PTPN4: variants seen among roughly 807,000 people sequenced by gnomAD.
The protein encoded by PTPN4 is tyrosine-protein phosphatase non-receptor type 4.
Under a neutral mutation model 135.5 loss-of-function variants are expected in PTPN4, and 49 were observed. That is an observed-to-expected ratio of 0.36 (90% CI 0.29 to 0.46). The LOEUF (loss-of-function observed/expected upper bound fraction) is 0.46, where lower values mean the gene tolerates loss of function less well. PTPN4 is among the 20% of genes least tolerant of loss of function. The pLI is 1.00. For synonymous variants in PTPN4, 333 were observed against 369.9 expected (o/e 0.90, Z 1.14); for missense variants, 860 against 1,101.0 (o/e 0.78, Z 3.10).
chr2:119,855,692 C>T (rs947182650), intron 2 of PTPN4, among the ~76,000 whole-genome samples: 6 of 152,124 alleles, frequency 3.9e-5, no homozygotes, highest in African/African-American at 1.4e-4. Flanking sequence ...GCTGTCAGTC[C>T]AGATGTCTCC....
At chr2:119,885,752 T>C (rs899783430) in intron 8 of PTPN4, 43 bp from the exon 9 acceptor site, 1 of 1,330,998 alleles carries the variant, frequency 7.5e-7, no homozygotes, top group Non-Finnish European at 1.0e-6. Flanking sequence ...ATTTATTTGA[T>C]TGATTGATTG....
chr2:119,855,259 C>T (rs1344677988), intron 2 of PTPN4, among the ~76,000 whole-genome samples: 1 of 152,126 alleles, frequency 6.6e-6, no homozygotes, highest in African/African-American at 2.4e-5. Context: ...CAAGATAATG[C>T]AGTTTCCAGA....
intron 2 of PTPN4, among the ~76,000 whole-genome samples, chr2:119,851,635 A>G (rs1472761365): frequency 1.3e-5 from 2 of 152,180 alleles, no homozygotes; most frequent in Non-Finnish European, 2.9e-5. Flanking sequence ...GTGCCCTCGG[A>G]AAGCCAGGCT....
At chr2:119,938,931 T>C (rs539452681) in intron 15 of PTPN4, among the ~76,000 whole-genome samples, 1 of 152,308 alleles carries the variant, frequency 6.6e-6, no homozygotes, top group East Asian at 1.9e-4. Context: ...CTATATATCA[T>C]AGTGTTTACG....
At chr2:119,832,738 G>T (rs773886926) in intron 2 of PTPN4, among the ~76,000 whole-genome samples, 3 of 151,784 alleles carry the variant, frequency 2.0e-5, no homozygotes, top group Non-Finnish European at 4.4e-5. Context: ...TGAAATTCTT[G>T]TACCTTTTTT....
At chr2:119,835,279 G>A (rs1234943923) in intron 2 of PTPN4, among the ~76,000 whole-genome samples, 1 of 152,102 alleles carries the variant, frequency 6.6e-6, no homozygotes, top group African/African-American at 2.4e-5. Flanking sequence ...TCGTCCCCTG[G>A]GTTCAAGCAA....
chr2:119,871,504 C>CTATA (rs1677909669), intron 3 of PTPN4, among the ~76,000 whole-genome samples: 1 of 151,994 alleles, frequency 6.6e-6, no homozygotes, highest in African/African-American at 2.4e-5. Context: ...GAGTTCTGGA[C>CTATA]TATAGTGCAC....
At chr2:119,967,026 T>G (rs540084076) in intron 25 of PTPN4, among the ~76,000 whole-genome samples, 143 of 152,192 alleles carry the variant, frequency 9.4e-4, no homozygotes, top group Non-Finnish European at 1.9e-3. Context: ...AGACCAAAAT[T>G]TGAGAGGTAA....
rs1257711116 is a variant in PTPN4, at chr2:119,847,328, A to ATATTT, written c.139-15207_139-15206insATTTT. 1.2e-3 allele frequency among the ~76,000 whole-genome samples: 123 copies of ATATTT among 102,710 alleles called. 1 individual carries two copies. Among genetic ancestry groups the ATATTT allele is most frequent in the African/African-American group, 3.2e-3 (74 of 22,892 alleles). The allele number at this position is 102,710 out of a possible 152,430, so 67.4% of individuals were successfully genotyped here. On this transcript the variant is annotated intron_variant, in intron 2 of 26. Transcript: ENST00000263708. ...CACACACACACACATATATATATAT[A>ATATTT]TTTTTTTTTTTTTTTTGAGACAGAG...
At chr2:119,801,322 A>G (rs1294029363) in intron 1 of PTPN4, among the ~76,000 whole-genome samples, 1 of 152,188 alleles carries the variant, frequency 6.6e-6, no homozygotes, top group African/African-American at 2.4e-5. Context: ...TCCTGGCCTC[A>G]AGTGTTCTGC....
intron 5 of PTPN4, among the ~76,000 whole-genome samples, chr2:119,878,253 A>G (rs1678014868): frequency 1.3e-5 from 2 of 152,206 alleles, no homozygotes; most frequent in South Asian, 4.1e-4. Context: ...GAAATGGAGA[A>G]ATACCAACAG....
Position 119,760,237 on chromosome 2 carries a change from G to A in PTPN4, c.-165G>A. The A allele has an allele frequency of 2.5e-6, 1 of 396,700 alleles. No homozygotes were observed. The highest frequency in any genetic ancestry group is 4.4e-6 in the Non-Finnish European group (1 of 224,736). 24.6% of individuals were successfully genotyped at this position (396,700 alleles called of 1,614,324 possible). ...CATGAGGTGGTGCTGGCGGCTCCGG[G>A]TCGTGGCGCGACCGCTGCGGCGGCG... On this transcript the variant is annotated 5_prime_UTR_variant, in exon 1 of 27. Coordinates refer to ENST00000263708, the MANE Select transcript of PTPN4 (RefSeq NM_002830.4).
intron 2 of PTPN4, among the ~76,000 whole-genome samples, chr2:119,814,330 T>A (rs1269242147): frequency 6.6e-6 from 1 of 152,172 alleles, no homozygotes; most frequent in Non-Finnish European, 1.5e-5. Context: ...ATTAATCAGC[T>A]GCACATGATG....
chr2:119,957,993 A>C (rs1679312891), intron 22 of PTPN4, among the ~76,000 whole-genome samples: 1 of 152,116 alleles, frequency 6.6e-6, no homozygotes, highest in African/African-American at 2.4e-5. Context: ...AAAGAGATGA[A>C]TTTGACAAGG....
At chr2:119,863,552 G>A (rs987684526) in intron 3 of PTPN4, among the ~76,000 whole-genome samples, 2 of 152,120 alleles carry the variant, frequency 1.3e-5, no homozygotes, top group African/African-American at 4.8e-5. Context: ...TAATGTTTAT[G>A]AGAAAAGTTG....
intron 12 of PTPN4, among the ~76,000 whole-genome samples, chr2:119,921,839 T>C (rs781043410): frequency 3.0e-4 from 46 of 152,140 alleles, no homozygotes; most frequent in Non-Finnish European, 4.7e-4. Flanking sequence ...CCTAAAGATA[T>C]TCTTTCAATG....
intron 1 of PTPN4, among the ~76,000 whole-genome samples, chr2:119,799,769 G>A (rs151286593): frequency 1.2e-3 from 178 of 152,306 alleles, no homozygotes; most frequent in African/African-American, 4.2e-3. Flanking sequence ...CTGACTAGGT[G>A]GGTTAGCTTC....
intron 3 of PTPN4, among the ~76,000 whole-genome samples, chr2:119,876,824 A>G (rs922057915): frequency 2.6e-5 from 4 of 151,822 alleles, no homozygotes; most frequent in African/African-American, 9.7e-5. Context: ...GGCAAATGTT[A>G]TAAAATTTCT....
intron 10 of PTPN4, among the ~76,000 whole-genome samples, chr2:119,903,554 C>A (rs1678439648): frequency 7.9e-6 from 1 of 126,554 alleles, no homozygotes; most frequent in Non-Finnish European, 1.6e-5. Context: ...CCTGCAGCTG[C>A]TGACACACAC....
Sources: gnomAD v4.1 joint callset for allele counts (sites outside exome capture counted in the v4.1 genomes callset) on GRCh38, gnomAD v4.1.1 for gene constraint, MANE v1.5 for transcripts, NCBI Gene and HGNC (gene_info 2026-07-23, HGNC 2026-07-21) for gene names.